The following PRSS58 variants were observed in gnomAD, a reference collection of about 807,000 sequenced individuals.
PRSS58 encodes serine protease 58.
Under a neutral mutation model 25.0 loss-of-function variants are expected in PRSS58, and 31 were observed. The ratio of observed to expected loss-of-function variants is 1.24; its 90% confidence interval spans 0.93 to 1.67. The LOEUF is 1.67. PRSS58 is among the 40% of genes most tolerant of loss of function. The pLI, the probability that PRSS58 is intolerant of heterozygous loss-of-function variation, is 0.00. For synonymous variants in PRSS58, 119 were observed against 106.1 expected, an observed-to-expected ratio of 1.12 and a Z score of -0.75; for missense variants, 324 against 287.9, an observed-to-expected ratio of 1.13 and a Z score of -0.91.
rs2116380329 is a variant in PRSS58, at chr7:142,252,465, A to G, written c.576+7T>C. On this transcript the variant is annotated splice_region_variant and intron_variant, in intron 5 of 5. Transcript: ENST00000547058. ...ATGGGAAAATTAATGGATGAAGAGT[A>G]TTTTACCTTGCAGGGCTGCCTCCTT... is the stretch of plus-strand genomic sequence containing the variant. 2.5e-6 allele frequency: 4 copies of G among 1,613,246 alleles called. No individual in the cohort carries two copies. Among genetic ancestry groups the G allele is most frequent in the Non-Finnish European group, 3.4e-6 (4 of 1,179,772 alleles).
Position 142,252,523 on chromosome 7 carries a change from C to T in PRSS58, c.525G>A (p.Thr175=), listed in dbSNP as rs150069777. The T allele has an allele frequency of 4.3e-5, 70 of 1,614,032 alleles. No individual in the cohort carries two copies. The highest frequency in any genetic ancestry group is 2.2e-4 in the East Asian group (10 of 44,902). Residue 175 remains threonine, a synonymous_variant, in exon 5 of 6, where the codon ACG becomes ACA. Transcript: ENST00000547058. ...CAATGCCCACACACAGCATATTTTC[C>T]GTGATGTTGTAGGTTTTATAGGCAT... ...CRDAYKTYNI[T]ENMLCVGIVP...
At chr7:142,256,110 C>T (rs1010665165) in intron 2 of PRSS58, among the ~76,000 whole-genome samples, 1 of 152,084 alleles carries the variant, frequency 6.6e-6, no homozygotes, top group Non-Finnish European at 1.5e-5. Context: ...CAAGAACAGA[C>T]CAAATGCTAA....
rs767714641 is a variant in PRSS58 at position 142,252,198 on chromosome 7, A to AT, written c.*22dup. On this transcript the variant is annotated 3_prime_UTR_variant, in exon 6 of 6. Coordinates refer to ENST00000547058, the MANE Select transcript of PRSS58 (RefSeq NM_001001317.5). ...GTGAACGATGGGGACAAGCTGTGTC[A>AT]TATGGTCCACAACTGCCACAGCTCA... 2 of 1,599,228 alleles carry AT rather than the reference A, an allele frequency of 1.3e-6. No homozygotes were observed. Among genetic ancestry groups the AT allele is most frequent in the South Asian group, 2.3e-5 (2 of 88,292 alleles).
intron 2 of PRSS58, 41 bp downstream of exon 2, chr7:142,257,627 T>G (rs199878252): frequency 1.6e-5 from 25 of 1,549,874 alleles, no homozygotes; most frequent in Non-Finnish European, 2.2e-5. Context: ...TTCCCAGGAT[T>G]TCTCTTTGGT....
rs779548227 is a variant in PRSS58 at position 142,252,546 on chromosome 7, C to A, written c.502G>T (p.Ala168Ser). 1.9e-6 allele frequency: 3 copies of A among 1,614,062 alleles called. No individual in the cohort carries two copies. In the African/African-American group the frequency reaches 4.0e-5, roughly 22 times the overall value. The change falls in exon 5 of 6, where the codon GCC (alanine) becomes TCC (serine). Residue 168 changes from alanine to serine, a missense_variant. Transcript: ENST00000547058. ...SVISKPQCRDAYKTYNITENM... is the reference protein window; with the variant it reads ...SVISKPQCRDSYKTYNITENM... ...TCCGTGATGTTGTAGGTTTTATAGG[C>A]ATCGCGACACTGAGGCTTGGAGATT...
At chr7:142,253,693 C>A (rs1798507882) in intron 4 of PRSS58, among the ~76,000 whole-genome samples, 2 of 152,198 alleles carry the variant, frequency 1.3e-5, no homozygotes, top group Admixed American at 1.3e-4. Context: ...ATTTTCCAAG[C>A]AATAATTTCA....
chr7:142,255,376 C>G (rs1798538147), intron 3 of PRSS58, 65 bp from the exon 4 acceptor site: 3 of 1,585,800 alleles, frequency 1.9e-6, no homozygotes, highest in Non-Finnish European at 2.6e-6. Flanking sequence ...TTATGAGCCT[C>G]TATTATCCCT....
At chr7:142,253,485 A>G (rs1010376965) in intron 4 of PRSS58, among the ~76,000 whole-genome samples, 45 of 152,224 alleles carry the variant, frequency 3.0e-4, no homozygotes, top group Non-Finnish European at 7.3e-5. Context: ...AAATTTGTCC[A>G]ATCTGAAACA....
At chr7:142,255,500 A>G (rs765492294) in intron 3 of PRSS58, 35 bp downstream of exon 3, 1 of 1,613,764 alleles carries the variant, frequency 6.2e-7, no homozygotes, top group Non-Finnish European at 8.5e-7. Context: ...CTGAGAACCC[A>G]AAGAATGGAG....
At chr7:142,253,637 TAATG>T (rs1362375991) in intron 4 of PRSS58, among the ~76,000 whole-genome samples, 1 of 150,892 alleles carries the variant, frequency 6.6e-6, no homozygotes, top group Non-Finnish European at 1.5e-5. Flanking sequence ...TATTTGAAAA[TAATG>T]TATTAGTTCT....
rs1438876838 is a variant in PRSS58, at chr7:142,257,990, C to T, written c.-42+1G>A. ...CCCTCTGTCTTCAGGGAAGAAAGTA[C>T]CAAAGCTAAGTTGAAGTTCATGATA... On this transcript the variant is annotated splice_donor_variant, in intron 1 of 5. Coordinates refer to ENST00000547058, the MANE Select transcript of PRSS58 (RefSeq NM_001001317.5). LOFTEE classifies it low-confidence loss of function (5UTR_SPLICE). 3 of 420,248 alleles carry T rather than the reference C, an allele frequency of 7.1e-6. No individual in the cohort carries two copies. Among genetic ancestry groups the T allele is most frequent in the African/African-American group, 4.0e-5 (2 of 49,904 alleles). 26.0% of individuals were successfully genotyped at this position (420,248 alleles called of 1,614,324 possible).
chr7:142,252,720 T>C (rs1055115136), intron 4 of PRSS58, 109 bp from the exon 5 acceptor site: 14 of 1,210,090 alleles, frequency 1.2e-5, no homozygotes, highest in Middle Eastern at 2.5e-4. Flanking sequence ...AGATCAAACA[T>C]TCAGAGAAGT....
Position 142,255,691 on chromosome 7 carries a change from G to A in PRSS58, c.41-18C>T, listed in dbSNP as rs527895402. Reference sequence around the variant, plus strand: ...CAAAGCAACTGGAAAGAGAAGCATAGACAAGAAATTCCAAGATTTCTCAGT... The same window carrying A: ...CAAAGCAACTGGAAAGAGAAGCATAAACAAGAAATTCCAAGATTTCTCAGT... On this transcript the variant is annotated intron_variant, in intron 2 of 5. Coordinates refer to ENST00000547058, the MANE Select transcript of PRSS58 (RefSeq NM_001001317.5). The A allele has an allele frequency of 1.3e-5, 21 of 1,572,696 alleles. No individual in the cohort carries two copies. The South Asian group carries it at 1.8e-4, about 13-fold the overall frequency.
At chr7:142,256,426 A>G (rs1798556120) in intron 2 of PRSS58, among the ~76,000 whole-genome samples, 1 of 152,058 alleles carries the variant, frequency 6.6e-6, no homozygotes, top group Non-Finnish European at 1.5e-5. Context: ...GGTATTACCA[A>G]TTGTGTGTTG....
chr7:142,252,393 A>G (rs761634635), intron 5 of PRSS58, 23 bp from the exon 6 acceptor site: 4 of 1,611,138 alleles, frequency 2.5e-6, no homozygotes, highest in Non-Finnish European at 3.4e-6. Context: ...CAATAATAAC[A>G]ACAACAAAAA....
chr7:142,252,238 C>A lies in PRSS58; in HGVS notation c.709G>T (p.Val237Leu), dbSNP rs768963947. The change falls in exon 6 of 6, where the codon GTA (valine) becomes TTA (leucine). Residue 237 changes from valine (V) to leucine (L), a missense_variant. Coordinates refer to ENST00000547058, the MANE Select transcript of PRSS58 (RefSeq NM_001001317.5). Reference protein sequence around the residue: ...IFYYIPWIENVIQNN With the variant: ...IFYYIPWIENLIQNN ...GCCACAGCTCAGTTATTTTGGATTA[C>A]ATTTTCAATCCAGGGTATATAGTAA... is the stretch of plus-strand genomic sequence containing the variant. 9.9e-6 allele frequency: 16 copies of A among 1,612,012 alleles called. No homozygotes were observed. Among genetic ancestry groups the A allele is most frequent in the African/African-American group, 1.3e-5 (1 of 74,804 alleles).
intron 4 of PRSS58, among the ~76,000 whole-genome samples, chr7:142,253,805 C>T (rs993714086): frequency 3.3e-5 from 5 of 151,964 alleles, no homozygotes; most frequent in Non-Finnish European, 5.9e-5. Context: ...AGTCATATCT[C>T]GTTTTGAACC....
At chr7:142,254,948 G>A (rs1339690952) in intron 4 of PRSS58, 107 bp downstream of exon 4, 11 of 1,135,462 alleles carry the variant, frequency 9.7e-6, no homozygotes, top group South Asian at 1.4e-5. Context: ...GGAAAGGGGG[G>A]AAAGAGGTTA....
intron 1 of PRSS58, 43 bp from the exon 2 acceptor site, chr7:142,257,791 A>G (rs1419800080): frequency 1.0e-5 from 11 of 1,076,728 alleles, no homozygotes; most frequent in Admixed American, 2.0e-5. Flanking sequence ...ACAAAGCAAG[A>G]TTGTAGAATT....
Sources: gnomAD v4.1 joint callset for allele counts (sites outside exome capture counted in the v4.1 genomes callset) on GRCh38, gnomAD v4.1.1 for gene constraint, MANE v1.5 for transcripts, NCBI Gene and HGNC (gene_info 2026-07-23, HGNC 2026-07-21) for gene names.